Variants in OLFML2B observed in about 807,000 individuals in gnomAD.
The protein encoded by OLFML2B is olfactomedin-like protein 2B.
Under a neutral mutation model 74.9 loss-of-function variants are expected in OLFML2B, and 57 were observed. That is an observed-to-expected ratio of 0.76 (90% CI 0.61 to 0.95). OLFML2B has a LOEUF of 0.95. Ranked by LOEUF, OLFML2B falls within the 40% of genes least tolerant of loss-of-function variation. The pLI is 0.00. For missense variants in OLFML2B, 986 were observed against 970.6 expected, an observed-to-expected ratio of 1.02 and a Z score of -0.21; for synonymous variants, 388 against 405.8, an observed-to-expected ratio of 0.96 and a Z score of 0.53.
chr1:162,021,733 T>C (rs945698242), intron 1 of OLFML2B, among the ~76,000 whole-genome samples: 2 of 152,186 alleles, frequency 1.3e-5, no homozygotes, highest in East Asian at 1.9e-4. Flanking sequence ...GATAGTAAAT[T>C]GTGGCTGTCT....
intron 3 of OLFML2B, among the ~76,000 whole-genome samples, chr1:162,013,027 A>G (rs80218048): frequency 0.013 from 1,959 of 152,286 alleles, 30 homozygotes; most frequent in Middle Eastern, 0.068. Context: ...CTGGCAGCCT[A>G]CAAGTCTATG....
At chr1:161,984,335 A>G in intron 7 of OLFML2B, 59 bp from the exon 8 acceptor site, 3 of 1,507,782 alleles carry the variant, frequency 2.0e-6, no homozygotes, top group South Asian at 1.3e-5. Context: ...TGGGCAGCCC[A>G]TGTGGTTAAG....
At position 161,984,947 on chromosome 1, in the gene OLFML2B, C is replaced by T. The variant is rs774532444; in HGVS notation, c.1508G>A (p.Gly503Glu). The change falls in exon 7 of 8, where the codon GGG becomes GAG. Residue 503 changes from glycine (G) to glutamate (E), a missense_variant. Gly to Glu is a moderately conservative substitution (Grantham distance 98). Coordinates refer to ENST00000294794, the MANE Select transcript of OLFML2B (RefSeq NM_015441.3). ...RCKDTLSTIT[G>E]PTTQNTYGRN... ...CCCATATGTGTTCTGGGTGGTCGGC[C>T]CCGTGATTGTGGAGAGAGTGTCCTT... 149 of 1,608,620 alleles carry T rather than the reference C, an allele frequency of 9.3e-5. No homozygotes were observed. The highest frequency in any genetic ancestry group is 1.2e-4 in the Non-Finnish European group (145 of 1,178,382).
chr1:162,003,781 C>G (rs1196864443), intron 4 of OLFML2B, among the ~76,000 whole-genome samples: 3 of 152,162 alleles, frequency 2.0e-5, no homozygotes, highest in Admixed American at 2.0e-4. Flanking sequence ...CTGACATTAT[C>G]TACAGGAACC....
chr1:162,016,993 C>T (rs1050799683), intron 3 of OLFML2B, among the ~76,000 whole-genome samples: 41 of 152,272 alleles, frequency 2.7e-4, no homozygotes, highest in African/African-American at 9.9e-4. Flanking sequence ...CACATAAATA[C>T]AGGGGTATGC....
intron 3 of OLFML2B, among the ~76,000 whole-genome samples, chr1:162,014,675 G>A (rs1472847470): frequency 7.2e-5 from 11 of 152,168 alleles, no homozygotes; most frequent in Non-Finnish European, 1.2e-4. Context: ...CAGTCAGCTG[G>A]CATGAGCCTT....
At chr1:162,002,448 A>T (rs1407649709) in intron 4 of OLFML2B, among the ~76,000 whole-genome samples, 2 of 152,248 alleles carry the variant, frequency 1.3e-5, no homozygotes, top group Non-Finnish European at 2.9e-5. Flanking sequence ...GAGGCAGGGC[A>T]GGGCCTTTAG....
chr1:161,995,786 G>C (rs988210444), intron 6 of OLFML2B, among the ~76,000 whole-genome samples: 1 of 152,204 alleles, frequency 6.6e-6, no homozygotes, highest in African/African-American at 2.4e-5. Flanking sequence ...GGGGTGACAG[G>C]GGCCAGATTC....
chr1:162,023,358 G>A lies in OLFML2B; in HGVS notation c.73C>T (p.Leu25Phe), dbSNP rs372302641. 10 of 1,606,346 alleles carry A rather than the reference G, an allele frequency of 6.2e-6. No individual in the cohort carries two copies. The African/African-American group carries it at 1.1e-4, about 17-fold the overall frequency. Residue 25 changes from leucine (L) to phenylalanine (F), a missense_variant, in exon 1 of 8, where the codon CTC (leucine) becomes TTC (phenylalanine). Coordinates refer to ENST00000294794, the MANE Select transcript of OLFML2B (RefSeq NM_015441.3). Reference sequence around the variant, plus strand: ...TCTGGGGGCTCGCTTGTCCCTGTGAGGACAATGCTGGACACCCAGGCCGGA... The same window carrying A: ...TCTGGGGGCTCGCTTGTCCCTGTGAAGACAATGCTGGACACCCAGGCCGGA... ...VVPAWVSSIVLTGTSEPPDAQ... is the reference protein window; with the variant it reads ...VVPAWVSSIVFTGTSEPPDAQ...
chr1:162,019,796 G>A, intron 2 of OLFML2B, 123 bp downstream of exon 2: 1 of 1,216,658 alleles, frequency 8.2e-7, no homozygotes, highest in South Asian at 1.6e-5. Context: ...TCCACACACA[G>A]CACTCTAGGG....
chr1:162,008,518 A>G (rs1336091743), intron 3 of OLFML2B, among the ~76,000 whole-genome samples: 2 of 152,236 alleles, frequency 1.3e-5, no homozygotes, highest in Non-Finnish European at 2.9e-5. Context: ...AGCACCAAGC[A>G]TGTCAAAAAG....
chr1:162,015,567 G>A (rs1007106075), intron 3 of OLFML2B, among the ~76,000 whole-genome samples: 8 of 152,228 alleles, frequency 5.3e-5, no homozygotes, highest in African/African-American at 1.9e-4. Flanking sequence ...TCTTAAAGGG[G>A]CATTGCACAT....
In OLFML2B at chr1:161,998,241, C is replaced by T. The variant is rs142806829; in HGVS notation, c.1058G>A (p.Arg353His). The part of the protein sequence containing the change: ...TSVTRRPAAT[R>H]QGHSTAVTSD... ...TGTCACAGCAGTGCTGTGTCCCTGA[C>T]GGGTGGCTGCAGGCCTCCGGGTGAC... Residue 353 changes from arginine (R) to histidine (H), a missense_variant, in exon 6 of 8, where the codon CGT becomes CAT. Arg to His is a conservative substitution (Grantham distance 29, BLOSUM62 0). Transcript: ENST00000294794. The T allele has an allele frequency of 3.6e-5, 58 of 1,612,214 alleles. No individual in the cohort carries two copies. The highest frequency in any genetic ancestry group is 3.0e-4 in the South Asian group (27 of 91,018).
rs182922563 is a variant in OLFML2B at position 161,997,425 on chromosome 1, T to C, written c.1474+400A>G. Among the ~76,000 whole-genome samples, 4 of 152,292 alleles carry C rather than the reference T, an allele frequency of 2.6e-5. No homozygotes were observed. The East Asian group carries it at 7.7e-4, about 29-fold the overall frequency. ...TCTCACTCTACTACAAATCTGAGAC[T>C]TTCCCCCCAGTAAAAACCCTTTGTT... On this transcript the variant is annotated intron_variant, in intron 6 of 7. Transcript: ENST00000294794.
intron 5 of OLFML2B, among the ~76,000 whole-genome samples, chr1:161,999,244 G>A (rs149198716): frequency 1.1e-3 from 168 of 152,314 alleles, no homozygotes; most frequent in African/African-American, 3.9e-3. Context: ...TAGACTTCAT[G>A]TGCTCATCAA....
chr1:161,996,904 T>A (rs1228594404), intron 6 of OLFML2B, among the ~76,000 whole-genome samples: 1 of 152,178 alleles, frequency 6.6e-6, no homozygotes, highest in Non-Finnish European at 1.5e-5. Context: ...ACGCCTGTAA[T>A]CCCAACACTT....
Position 161,983,902 on chromosome 1 carries a change from A to C in OLFML2B, c.2026T>G (p.Cys676Gly). 6.2e-7 allele frequency: 1 copy of C among 1,614,234 alleles called. No individual in the cohort carries two copies. The highest frequency in any genetic ancestry group is 8.5e-7 in the Non-Finnish European group (1 of 1,180,038). Reference protein sequence around the residue: ...TGLRRNFYGNCFVICGVLYAV... With the variant: ...TGLRRNFYGNGFVICGVLYAV... ...TACAGCACCCCACAGATGACGAAGCAGTTGCCGTAGAAATTCCTCCGGAGC... is the reference window on the plus strand; with the variant it reads ...TACAGCACCCCACAGATGACGAAGCCGTTGCCGTAGAAATTCCTCCGGAGC... The change falls in exon 8 of 8, where the codon TGC (cysteine) becomes GGC (glycine). Residue 676 changes from cysteine to glycine, a missense_variant. Transcript: ENST00000294794.
At chr1:161,997,260 T>C (rs985658451) in intron 6 of OLFML2B, among the ~76,000 whole-genome samples, 1 of 152,170 alleles carries the variant, frequency 6.6e-6, no homozygotes, top group South Asian at 2.1e-4. Context: ...CAGGCCAAGC[T>C]AATATTCCTT....
intron 3 of OLFML2B, among the ~76,000 whole-genome samples, chr1:162,012,859 A>C (rs1295310798): frequency 6.6e-6 from 1 of 152,222 alleles, no homozygotes; most frequent in Non-Finnish European, 1.5e-5. Context: ...ACTGAAACCA[A>C]CTAAAGCCTT....
Sources: gnomAD v4.1 joint callset for allele counts (sites outside exome capture counted in the v4.1 genomes callset) on GRCh38, gnomAD v4.1.1 for gene constraint, MANE v1.5 for transcripts, NCBI Gene and HGNC (gene_info 2026-07-23, HGNC 2026-07-21) for gene names.